KCNH1: variants seen among roughly 807,000 people sequenced by gnomAD.
KCNH1 encodes the protein potassium voltage-gated channel subfamily H member 1.
A neutral mutation model predicts 69.2 loss-of-function variants in KCNH1; 27 were observed. The observed-to-expected ratio is 0.39, with a 90% CI of 0.29 to 0.54. KCNH1 has a LOEUF of 0.54. KCNH1 is among the 20% of genes least tolerant of loss of function. The probability of loss-of-function intolerance (pLI) is 0.68; values close to 1 mark genes in which losing one functional copy is unlikely to be tolerated. For missense variants in KCNH1, 798 were observed against 1,261.6 expected (o/e 0.63, Z 5.57); for synonymous variants, 456 against 487.7 (o/e 0.93, Z 0.86).
At chr1:210,710,663 A>G (rs60195529) in intron 10 of KCNH1, among the ~76,000 whole-genome samples, 48,362 of 152,000 alleles carry the variant, frequency 0.32, 9,154 homozygotes, top group South Asian at 0.51. Context: ...GGTGAAGCTC[A>G]GAGAAGCCTA....
intron 7 of KCNH1, among the ~76,000 whole-genome samples, chr1:210,842,627 G>A (rs1685435149): frequency 6.6e-6 from 1 of 152,118 alleles, no homozygotes; most frequent in Non-Finnish European, 1.5e-5. Flanking sequence ...GATTTCAGGT[G>A]ATAAAACAGC....
chr1:210,843,645 C>T (rs1356931960), intron 7 of KCNH1, among the ~76,000 whole-genome samples: 1 of 152,110 alleles, frequency 6.6e-6, no homozygotes, highest in Non-Finnish European at 1.5e-5. Context: ...ACAGTATTTA[C>T]CAGAGGTCAC....
chr1:211,027,131 A>G (rs948706211), intron 5 of KCNH1, among the ~76,000 whole-genome samples: 3 of 152,218 alleles, frequency 2.0e-5, no homozygotes. Flanking sequence ...CCAAAATTAT[A>G]TATCAGAAAT....
chr1:210,702,500 A>C (rs1359630437), intron 10 of KCNH1, among the ~76,000 whole-genome samples: 4 of 152,078 alleles, frequency 2.6e-5, no homozygotes, highest in Non-Finnish European at 5.9e-5. Flanking sequence ...TTATTTTTTA[A>C]AACTCAAAAG....
At chr1:210,722,956 C>T (rs1001316014) in intron 10 of KCNH1, among the ~76,000 whole-genome samples, 2 of 152,130 alleles carry the variant, frequency 1.3e-5, no homozygotes. Flanking sequence ...ATGTGCTTCC[C>T]GTTCCTGACA....
chr1:210,721,021 A>G (rs1002979972), intron 10 of KCNH1, among the ~76,000 whole-genome samples: 1 of 152,150 alleles, frequency 6.6e-6, no homozygotes, highest in East Asian at 1.9e-4. Context: ...GAAGAACCCT[A>G]CAATACCCAA....
chr1:210,856,766 T>TTA (rs1183327850), intron 7 of KCNH1, among the ~76,000 whole-genome samples: 6 of 134,624 alleles, frequency 4.5e-5, no homozygotes, highest in South Asian at 2.4e-4. Flanking sequence ...GAGGTGTTTG[T>TTA]TATATATATA....
rs1681185122 is a variant in KCNH1 at position 210,678,360 on chromosome 1, T to C, written c.*4921A>G. The C allele has an allele frequency of 6.6e-6, 1 of 152,188 alleles. No homozygotes were observed. Among genetic ancestry groups the C allele is most frequent in the Non-Finnish European group, 1.5e-5 (1 of 68,030 alleles). 9.4% of individuals were successfully genotyped at this position (152,188 alleles called of 1,614,324 possible). A position where few individuals can be genotyped will look rare whatever the true frequency, so the allele number is the denominator to read the frequency against. ...ACCATAATAAATAAAACTTTTTTTT[T>C]TTACAAATATCATTTGTGCTTGTTT... On this transcript the variant is annotated 3_prime_UTR_variant, in exon 11 of 11. Transcript: ENST00000271751.
At chr1:211,069,869 T>C (rs1690604545) in intron 5 of KCNH1, among the ~76,000 whole-genome samples, 2 of 152,224 alleles carry the variant, frequency 1.3e-5, no homozygotes, top group African/African-American at 2.4e-5. Flanking sequence ...TTTGTTTATA[T>C]TTTACGGTAG....
intron 6 of KCNH1, among the ~76,000 whole-genome samples, chr1:210,934,822 T>C (rs1483215803): frequency 6.6e-6 from 1 of 152,028 alleles, no homozygotes; most frequent in Non-Finnish European, 1.5e-5. Flanking sequence ...GGAACTCTTG[T>C]ACACTATTGG....
Position 210,997,994 on chromosome 1 carries a change from A to C in KCNH1, c.1032+20789T>G, listed in dbSNP as rs538366370. The stretch of plus-strand genomic sequence containing the variant: ...TTTTGTCACCACCAGGCCTGCCCTA[A>C]AAGAGCTCCTGAAGGAAGCACTAAA... On this transcript the variant is annotated intron_variant, in intron 6 of 10. Coordinates refer to ENST00000271751, the MANE Select transcript of KCNH1 (RefSeq NM_172362.3). Among the ~76,000 whole-genome samples, 12 of 152,326 alleles carry C rather than the reference A, an allele frequency of 7.9e-5. No individual in the cohort carries two copies. In the East Asian group the frequency reaches 1.5e-3, roughly 20 times the overall value.
chr1:211,023,150 AT>A (rs1480048561), intron 5 of KCNH1, among the ~76,000 whole-genome samples: 24 of 123,400 alleles, frequency 1.9e-4, no homozygotes, highest in Non-Finnish European at 3.3e-4. Flanking sequence ...AAATAAATAA[AT>A]AAATAAATAA....
At chr1:210,734,984 T>C (rs564955130) in intron 10 of KCNH1, among the ~76,000 whole-genome samples, 170 of 152,312 alleles carry the variant, frequency 1.1e-3, no homozygotes, top group South Asian at 6.8e-3. Context: ...AACTGGCCAC[T>C]ACCTGACTCT....
intron 7 of KCNH1, among the ~76,000 whole-genome samples, chr1:210,845,651 C>T (rs1685526302): frequency 6.6e-6 from 1 of 152,194 alleles, no homozygotes; most frequent in African/African-American, 2.4e-5. Flanking sequence ...TGGAAGCATT[C>T]CCTTTCAAAA....
At chr1:211,019,924 G>C (rs1689559252) in intron 5 of KCNH1, among the ~76,000 whole-genome samples, 1 of 152,038 alleles carries the variant, frequency 6.6e-6, no homozygotes, top group African/African-American at 2.4e-5. Flanking sequence ...GAGAAATTAA[G>C]AAGGAAATTT....
intron 6 of KCNH1, among the ~76,000 whole-genome samples, chr1:210,985,278 C>T (rs1365538596): frequency 2.0e-5 from 3 of 152,096 alleles, no homozygotes; most frequent in Admixed American, 6.6e-5. Context: ...GTGTCTCTAT[C>T]TCCTTCAGTT....
chr1:210,751,118 G>A (rs1683274564), intron 10 of KCNH1, among the ~76,000 whole-genome samples: 7 of 152,322 alleles, frequency 4.6e-5, no homozygotes, highest in Non-Finnish European at 7.3e-5. Context: ...ATAGAGAGGA[G>A]AGTTATGTCT....
chr1:210,894,672 G>A (rs1295034855), intron 7 of KCNH1, among the ~76,000 whole-genome samples: 1 of 152,068 alleles, frequency 6.6e-6, no homozygotes, highest in Non-Finnish European at 1.5e-5. Flanking sequence ...TTGAAAATGA[G>A]TTCGTTATTA....
chr1:211,091,914 T>C (rs1378888064), intron 3 of KCNH1, among the ~76,000 whole-genome samples: 1 of 152,228 alleles, frequency 6.6e-6, no homozygotes, highest in African/African-American at 2.4e-5. Flanking sequence ...TATTCTATGA[T>C]ACAAAATTAA....
Sources: gnomAD v4.1 joint callset for allele counts (sites outside exome capture counted in the v4.1 genomes callset) on GRCh38, gnomAD v4.1.1 for gene constraint, MANE v1.5 for transcripts, NCBI Gene and HGNC (gene_info 2026-07-23, HGNC 2026-07-21) for gene names.